The following ANTXRL variants were observed in gnomAD, a reference collection of about 807,000 sequenced individuals.
ANTXRL encodes the protein ANTXR like.
Under a neutral mutation model 75.4 loss-of-function variants are expected in ANTXRL, and 63 were observed. That is an observed-to-expected ratio of 0.84 (90% CI 0.68 to 1.03). The LOEUF (loss-of-function observed/expected upper bound fraction) is 1.03, where lower values mean the gene tolerates loss of function less well. ANTXRL is among the 50% of genes least tolerant of loss of function. The probability of loss-of-function intolerance (pLI) is 0.00; values close to 1 mark genes in which losing one functional copy is unlikely to be tolerated. For missense variants in ANTXRL, 797 were observed against 789.4 expected (o/e 1.01, Z -0.12); for synonymous variants, 335 against 291.3 (o/e 1.15, Z -1.53).
intron 1 of ANTXRL, among the ~76,000 whole-genome samples, chr10:46,290,354 C>T (rs1554956169): frequency 3.3e-5 from 5 of 152,284 alleles, no homozygotes; most frequent in Non-Finnish European, 2.9e-5. Context: ...TTTATCTTTT[C>T]GTCTGTTGAT....
intron 10 of ANTXRL, among the ~76,000 whole-genome samples, chr10:46,305,686 AG>A (rs1384991423): frequency 6.6e-6 from 1 of 151,816 alleles, no homozygotes; most frequent in African/African-American, 2.4e-5. Flanking sequence ...TGGGCTCAGG[AG>A]TGAGAATGTT....
At chr10:46,288,400 T>C (rs782421934) in intron 1 of ANTXRL, among the ~76,000 whole-genome samples, 11 of 152,058 alleles carry the variant, frequency 7.2e-5, no homozygotes, top group Non-Finnish European at 1.2e-4. Flanking sequence ...ACAGCTAGTG[T>C]GACAAGACTC....
At position 46,329,666 on chromosome 10, in the gene ANTXRL, G is replaced by A. The variant is rs782253177; in HGVS notation, c.1478G>A (p.Cys493Tyr). Residue 493 changes from cysteine (C) to tyrosine (Y), a missense_variant, in exon 17 of 17, where the codon TGC becomes TAC. Transcript: ENST00000620264. ...YAQAPCCPRI[C>Y]FPHSQECLSL... ...CAGGCTCCCTGCTGCCCAAGGATCT[G>A]CTTTCCACACAGCCAGGAGTGCCTT... 7 of 1,536,328 alleles carry A rather than the reference G, an allele frequency of 4.6e-6. No homozygotes were observed. In the South Asian group the frequency reaches 8.3e-5, roughly 18 times the overall value.
chr10:46,297,893 G>C lies in ANTXRL; in HGVS notation c.717G>C (p.Leu239=), dbSNP rs1267299713. The stretch of plus-strand genomic sequence containing the variant: ...CAGTGGAGAATGGCTTCAAGGCCCT[G>C]AGAAGCACCATTGATGCCGTGAGTG... ...VFAVENGFKA[L]RSTIDALTSK... is the part of the protein sequence containing the mutation. The change falls in exon 8 of 17, where the codon CTG becomes CTC. Residue 239 remains leucine, a synonymous_variant. Coordinates refer to ENST00000620264, the MANE Select transcript of ANTXRL (RefSeq NM_001278688.3). 4 of 1,535,906 alleles carry C rather than the reference G, an allele frequency of 2.6e-6. No individual in the cohort carries two copies. Among genetic ancestry groups the C allele is most frequent in the Admixed American group, 2.0e-5 (1 of 50,976 alleles).
At chr10:46,321,410 G>A (rs1322835571) in intron 16 of ANTXRL, among the ~76,000 whole-genome samples, 1 of 152,126 alleles carries the variant, frequency 6.6e-6, no homozygotes, top group African/African-American at 2.4e-5. Flanking sequence ...TCTCTCATCA[G>A]GTTTACCTGA....
chr10:46,291,305 A>G (rs1158258980), intron 1 of ANTXRL, among the ~76,000 whole-genome samples: 2 of 152,094 alleles, frequency 1.3e-5, no homozygotes, highest in Non-Finnish European at 2.9e-5. Flanking sequence ...TCCTTACATC[A>G]GTGCCATAAT....
At chr10:46,291,505 T>C (rs1215111379) in intron 1 of ANTXRL, among the ~76,000 whole-genome samples, 1 of 152,140 alleles carries the variant, frequency 6.6e-6, no homozygotes, top group East Asian at 1.9e-4. Flanking sequence ...ATTACATTGT[T>C]ATCTTAACAA....
At chr10:46,307,975 C>G (rs1254135158) in intron 12 of ANTXRL, among the ~76,000 whole-genome samples, 1 of 152,154 alleles carries the variant, frequency 6.6e-6, no homozygotes. Context: ...CTCAGGCACT[C>G]GGACCCGAGC....
At chr10:46,288,905 T>A (rs1588776247) in intron 1 of ANTXRL, among the ~76,000 whole-genome samples, 1 of 152,090 alleles carries the variant, frequency 6.6e-6, no homozygotes. Context: ...TGAGTCTTCC[T>A]AACAAGGCTG....
chr10:46,304,876 T>C (rs1554961470), intron 10 of ANTXRL, among the ~76,000 whole-genome samples: 2 of 152,136 alleles, frequency 1.3e-5, no homozygotes, highest in Non-Finnish European at 2.9e-5. Context: ...AGCTGCCTCC[T>C]CTGTGGGCCT....
chr10:46,300,575 C>A (rs1340564252), intron 9 of ANTXRL, among the ~76,000 whole-genome samples: 1 of 151,796 alleles, frequency 6.6e-6, no homozygotes, highest in African/African-American at 2.4e-5. Flanking sequence ...CCAGGGTCCA[C>A]TTCCTGTTCT....
intron 14 of ANTXRL, among the ~76,000 whole-genome samples, chr10:46,310,779 C>G (rs1838375062): frequency 6.6e-6 from 1 of 152,070 alleles, no homozygotes; most frequent in South Asian, 2.1e-4. Context: ...AAATGGGGCT[C>G]TCTGTCAAGG....
At chr10:46,311,949 G>T (rs1484843810) in intron 15 of ANTXRL, among the ~76,000 whole-genome samples, 1 of 148,440 alleles carries the variant, frequency 6.7e-6, no homozygotes, top group Non-Finnish European at 1.5e-5. Flanking sequence ...GGCAGCTTTT[G>T]ATGTCTGACC....
chr10:46,296,128 A>C, intron 4 of ANTXRL, 28 bp downstream of exon 4: 1 of 1,533,866 alleles, frequency 6.5e-7, no homozygotes, highest in Non-Finnish European at 8.7e-7. Context: ...TCCTAACCCT[A>C]ACCCTAACCC....
At chr10:46,302,392 G>T (rs566509916) in intron 9 of ANTXRL, among the ~76,000 whole-genome samples, 2 of 152,264 alleles carry the variant, frequency 1.3e-5, no homozygotes, top group Admixed American at 6.5e-5. Flanking sequence ...ACCTGGGGCC[G>T]AGGGAGCACC....
Position 46,298,043 on chromosome 10 carries a change from T to C in ANTXRL, c.777T>C (p.Pro259=). 2.6e-6 allele frequency: 4 copies of C among 1,535,780 alleles called. No individual in the cohort carries two copies. The highest frequency in any genetic ancestry group is 3.5e-6 in the Non-Finnish European group (4 of 1,146,698). Residue 259 remains proline, a synonymous_variant, in exon 9 of 17, where the codon CCT becomes CCC. Coordinates refer to ENST00000620264, the MANE Select transcript of ANTXRL (RefSeq NM_001278688.3). ...GTCTTGATGTGACATCGGTGGAGCC[T>C]TCCTCTGAGTGTGTAGGAGGTGAGA... ...KVCLDVTSVE[P]SSECVGEPYH...
At chr10:46,311,384 A>G (rs1838412540) in intron 14 of ANTXRL, 126 bp from the exon 15 acceptor site, 16 of 1,335,424 alleles carry the variant, frequency 1.2e-5, no homozygotes, top group South Asian at 1.7e-5. Context: ...TGTTTTTCAC[A>G]TGAAGGACCC....
At chr10:46,295,463 G>GGTTAGA (rs74312662) in intron 3 of ANTXRL, among the ~76,000 whole-genome samples, 17,332 of 89,670 alleles carry the variant, frequency 0.19, 3,251 homozygotes, top group African/African-American at 0.4. Context: ...TTAGGGTTTG[G>GGTTAGA]GTTAGAGTTA....
intron 1 of ANTXRL, 43 bp from the exon 2 acceptor site, chr10:46,292,015 G>A (rs1486092826): frequency 6.6e-7 from 1 of 1,520,644 alleles, no homozygotes; most frequent in African/African-American, 1.4e-5. Context: ...GCCCATCGGA[G>A]AGATGCACTC....
Sources: allele counts gnomAD v4.1 joint callset (sites outside exome capture counted in the v4.1 genomes callset), GRCh38; gene constraint gnomAD v4.1.1; transcripts MANE v1.5; gene names NCBI Gene and HGNC (gene_info 2026-07-23, HGNC 2026-07-21).